The following BRWD1 variants were observed in gnomAD, a reference collection of about 807,000 sequenced individuals.
The protein encoded by BRWD1 is bromodomain and WD repeat-containing protein 1.
BRWD1 carries 82 observed loss-of-function variants against 251.2 expected under a neutral mutation model. That is an observed-to-expected ratio of 0.33 (90% CI 0.27 to 0.39). The LOEUF (loss-of-function observed/expected upper bound fraction) is 0.39. Ranked by LOEUF, BRWD1 falls within the 10% of genes least tolerant of loss-of-function variation. The probability of loss-of-function intolerance (pLI) is 1.00; values close to 1 mark genes in which losing one functional copy is unlikely to be tolerated. For missense variants in BRWD1, 2,233 were observed against 2,711.6 expected, an observed-to-expected ratio of 0.82 and a Z score of 3.92; for synonymous variants, 918 against 902.8, an observed-to-expected ratio of 1.02 and a Z score of -0.30.
chr21:39,203,103 AAG>A (rs2032192078), intron 37 of BRWD1, among the ~76,000 whole-genome samples: 1 of 152,244 alleles, frequency 6.6e-6, no homozygotes, highest in African/African-American at 2.4e-5. Context: ...AGGAGAATGG[AAG>A]TTTAAGGCAT....
At chr21:39,237,154 C>T (rs1286170954) in intron 22 of BRWD1, among the ~76,000 whole-genome samples, 2 of 152,104 alleles carry the variant, frequency 1.3e-5, no homozygotes, top group Non-Finnish European at 2.9e-5. Context: ...AAATAGGCCC[C>T]ACCACTACCC....
chr21:39,231,978 A>G (rs1294782822), intron 25 of BRWD1, among the ~76,000 whole-genome samples, 199 bp downstream of exon 25: 1 of 152,206 alleles, frequency 6.6e-6, no homozygotes, highest in Non-Finnish European at 1.5e-5. Context: ...TTTACACACC[A>G]ATCAGCAACA....
rs144074221 is a variant in BRWD1, at chr21:39,212,936, T to C, written c.3859-229A>G. Among the ~76,000 whole-genome samples, 23 of 152,170 alleles carry C rather than the reference T, an allele frequency of 1.5e-4. No individual in the cohort carries two copies. In the East Asian group the frequency reaches 2.7e-3, roughly 18 times the overall value. On this transcript the variant is annotated intron_variant, in intron 33 of 40. Transcript: ENST00000342449. ...ATTCCCTAAGAACATGAACTAATTCTAAAATTTGAAATTACAGCTATAAAA... is the reference window on the plus strand; with the variant it reads ...ATTCCCTAAGAACATGAACTAATTCCAAAATTTGAAATTACAGCTATAAAA...
In BRWD1 at chr21:39,186,773, T is replaced by C; in HGVS notation, c.*9486A>G. ...TGCATTCTGGAAAGGAATAGTAGTC[T>C]TATAGCAGGCCATTTGTCTTTTCTT... is the stretch of plus-strand genomic sequence containing the variant. On this transcript the variant is annotated 3_prime_UTR_variant, in exon 41 of 41. Transcript: ENST00000342449. 2 of 378,926 alleles carry C rather than the reference T, an allele frequency of 5.3e-6. No individual in the cohort carries two copies. Among genetic ancestry groups the C allele is most frequent in the South Asian group, 1.4e-4 (2 of 14,604 alleles). 23.5% of individuals were successfully genotyped at this position (378,926 alleles called of 1,614,324 possible). A position where few individuals can be genotyped will look rare whatever the true frequency, so the allele number is the denominator to read the frequency against.
chr21:39,234,150 T>C (rs1601343513), intron 23 of BRWD1, among the ~76,000 whole-genome samples: 1 of 152,188 alleles, frequency 6.6e-6, no homozygotes, highest in Non-Finnish European at 1.5e-5. Flanking sequence ...CTGGAATGTA[T>C]CTTTTTCATT....
rs767212925 is a variant in BRWD1 at position 39,313,054 on chromosome 21, G to A, written c.138+18C>T. 3.7e-5 allele frequency: 51 copies of A among 1,394,216 alleles called. No individual in the cohort carries two copies. The highest frequency in any genetic ancestry group is 3.6e-4 in the Admixed American group (12 of 32,970). 86.4% of individuals were successfully genotyped at this position (1,394,216 alleles called of 1,614,324 possible). ...GCAGGAGGAACCCGAGGGAGCGCGG[G>A]GACGGGCGCGCACAGACCTGGTACT... On this transcript the variant is annotated intron_variant, in intron 3 of 40. Coordinates refer to ENST00000342449, the MANE Select transcript of BRWD1 (RefSeq NM_033656.4).
At chr21:39,205,389 G>A (rs1264802404) in intron 37 of BRWD1, among the ~76,000 whole-genome samples, 1 of 152,124 alleles carries the variant, frequency 6.6e-6, no homozygotes, top group East Asian at 1.9e-4. Context: ...AGGTGAGAGG[G>A]ACTGCTTGAG....
chr21:39,264,244 T>C (rs1455317251), intron 17 of BRWD1, among the ~76,000 whole-genome samples: 6 of 152,070 alleles, frequency 3.9e-5, no homozygotes, highest in South Asian at 2.1e-4. Flanking sequence ...TAAGTGTCTA[T>C]AGTTATGTAA....
rs999995668 is a variant in BRWD1, at chr21:39,313,479, A to G, written c.13T>C (p.Ser5Pro). 1.9e-5 allele frequency: 24 copies of G among 1,285,034 alleles called. No individual in the cohort carries two copies. The African/African-American group carries it at 3.7e-4, about 20-fold the overall frequency. The allele number at this position is 1,285,034 out of a possible 1,614,324, so 79.6% of individuals were successfully genotyped here. A position where few individuals can be genotyped will look rare whatever the true frequency, so the allele number is the denominator to read the frequency against. Residue 5 changes from serine (S) to proline (P), a missense_variant, in exon 1 of 41, where the codon TCG becomes CCG. Ser to Pro is a moderately conservative substitution (Grantham distance 74). Transcript: ENST00000342449. ...AGAGGCACCGGGCGTCGGGCGGACG[A>G]CGGCTCCGCCATGGCCGGGCGCGGG... MAEP[S>P]SARRPVPLIE...
Position 39,197,127 on chromosome 21 carries a change from C to A in BRWD1, c.5942G>T (p.Gly1981Val). The A allele has an allele frequency of 6.2e-7, 1 of 1,614,098 alleles. No individual in the cohort carries two copies. The highest frequency in any genetic ancestry group is 1.3e-5 in the African/African-American group (1 of 75,038). The change falls in exon 41 of 41, where the codon GGA (glycine) becomes GTA (valine). Residue 1981 changes from glycine to valine, a missense_variant. This residue lies in a region of BRWD1 where 928 missense variants were observed against 970.0 expected (regional missense o/e 0.96). Coordinates refer to ENST00000342449, the MANE Select transcript of BRWD1 (RefSeq NM_033656.4). ...TAKKKLSDCE[G>V]SVHCEVPSEQ... The stretch of plus-strand genomic sequence containing the variant: ...ACTTGGTACTTCACAATGTACACTT[C>A]CTTCACAATCACTCAATTTCTTCTT...
chr21:39,257,557 A>T (rs557748198), intron 18 of BRWD1, among the ~76,000 whole-genome samples: 67 of 151,562 alleles, frequency 4.4e-4, no homozygotes, highest in African/African-American at 1.1e-3. Flanking sequence ...TTTTTTTTTT[A>T]AAAAAGGCCA....
At chr21:39,314,235 C>T (rs767439056), upstream of BRWD1, 1 of 455,608 alleles carries the variant, frequency 2.2e-6, no homozygotes, top group South Asian at 1.6e-5. Context: ...GGGGCGGGGG[C>T]CTCGTATGCT....
chr21:39,231,957 G>A (rs2033632332), intron 25 of BRWD1, among the ~76,000 whole-genome samples: 1 of 152,060 alleles, frequency 6.6e-6, no homozygotes, highest in African/African-American at 2.4e-5. Context: ...CTAGGTTGTT[G>A]CATTTAACAT....
At chr21:39,198,661 A>G (rs1174583194) in intron 40 of BRWD1, 102 bp downstream of exon 40, 2 of 1,017,116 alleles carry the variant, frequency 2.0e-6, no homozygotes, top group Non-Finnish European at 2.8e-6. Flanking sequence ...CAAAGAGAAA[A>G]AAGTTTCAAG....
At chr21:39,217,023 A>ATATATATAAAAATATATATATATATT (rs2032932596) in intron 31 of BRWD1, 1 of 21,218 alleles carries the variant, frequency 4.7e-5, no homozygotes, top group Non-Finnish European at 9.5e-5. Context: ...ATATATATAT[A>ATATATATAAAAATATATATATATATT]TATATATATA....
At chr21:39,248,641 C>CAAAAAAAAAAAAAAA (rs375430016) in intron 20 of BRWD1, among the ~76,000 whole-genome samples, 2 of 83,296 alleles carry the variant, frequency 2.4e-5, no homozygotes, top group Admixed American at 2.6e-4. Context: ...CCCTATCTCC[C>CAAAAAAAAAAAAAAA]AAAAAAAAAA....
intron 1 of BRWD1, 58 bp from the exon 2 acceptor site, chr21:39,313,357 C>T (rs1601524603): frequency 8.1e-6 from 12 of 1,473,530 alleles, no homozygotes; most frequent in East Asian, 2.7e-5. Flanking sequence ...GGGACGGGGC[C>T]AGGGGAGCCG....
At chr21:39,278,180 T>C (rs996510307) in intron 10 of BRWD1, among the ~76,000 whole-genome samples, 3 of 152,094 alleles carry the variant, frequency 2.0e-5, no homozygotes, top group African/African-American at 7.2e-5. Context: ...GGTGGCAATA[T>C]AATGCCAATT....
At chr21:39,271,506 G>A (rs1300428977) in intron 13 of BRWD1, among the ~76,000 whole-genome samples, 2 of 151,156 alleles carry the variant, frequency 1.3e-5, no homozygotes, top group Non-Finnish European at 2.9e-5. Context: ...TGGCTAACAC[G>A]GTGAAACCTC....
Sources: gnomAD v4.1 joint callset for allele counts (sites outside exome capture counted in the v4.1 genomes callset) on GRCh38, gnomAD v4.1.1 for gene constraint, gnomAD v4.1.1 regional missense constraint, MANE v1.5 for transcripts, NCBI Gene and HGNC (gene_info 2026-07-23, HGNC 2026-07-21) for gene names.